The following TRAF2 variants were observed in gnomAD, a reference collection of about 807,000 sequenced individuals.
The protein encoded by TRAF2 is TNF receptor-associated factor 2.
TRAF2 carries 6 observed loss-of-function variants against 55.6 expected under a neutral mutation model. That is an observed-to-expected ratio of 0.11 (90% CI 0.06 to 0.21). TRAF2 has a LOEUF of 0.21. Ranked by LOEUF, TRAF2 falls within the 10% of genes least tolerant of loss-of-function variation. The pLI, the probability that TRAF2 is intolerant of heterozygous loss-of-function variation, is 1.00. For synonymous variants in TRAF2, 329 were observed against 276.3 expected (o/e 1.19, Z -1.89); for missense variants, 561 against 684.5 (o/e 0.82, Z 2.01).
At chr9:136,923,026 C>T (rs1047822410) in intron 9 of TRAF2, among the ~76,000 whole-genome samples, 6 of 152,144 alleles carry the variant, frequency 3.9e-5, no homozygotes, top group African/African-American at 1.4e-4. Flanking sequence ...TGCGTGCAGA[C>T]CTTTGCACAC....
intron 3 of TRAF2, 96 bp from the exon 4 acceptor site, chr9:136,900,326 C>T (rs1381853037): frequency 1.7e-5 from 13 of 750,042 alleles, no homozygotes; most frequent in East Asian, 1.4e-4. Context: ...GGCGATGTGA[C>T]GCAGTATTGG....
chr9:136,910,104 C>A, intron 6 of TRAF2, 110 bp downstream of exon 6: 1 of 1,182,832 alleles, frequency 8.5e-7, no homozygotes, highest in Non-Finnish European at 1.2e-6. Context: ...CCCAAAGGAA[C>A]AGCAGTGCAA....
chr9:136,893,768 G>A (rs1356518614), intron 1 of TRAF2, among the ~76,000 whole-genome samples: 2 of 151,288 alleles, frequency 1.3e-5, no homozygotes, highest in African/African-American at 2.4e-5. Flanking sequence ...TTTTTTTTTC[G>A]AGACGGAGTC....
intron 1 of TRAF2, chr9:136,898,450 G>T: frequency 3.1e-6 from 1 of 318,012 alleles, no homozygotes; most frequent in Non-Finnish European, 4.5e-6. Flanking sequence ...GTGTCTCTTT[G>T]GAGCTGTGGG....
At chr9:136,896,325 G>A (rs1849678986) in intron 1 of TRAF2, among the ~76,000 whole-genome samples, 1 of 152,236 alleles carries the variant, frequency 6.6e-6, no homozygotes, top group African/African-American at 2.4e-5. Flanking sequence ...AGCGCAAGAA[G>A]GCACTGGAGG....
intron 10 of TRAF2, among the ~76,000 whole-genome samples, chr9:136,924,692 A>G (rs1850477368): frequency 6.6e-6 from 1 of 152,174 alleles, no homozygotes; most frequent in Non-Finnish European, 1.5e-5. Context: ...GAGAGAGTGC[A>G]GAGGAAGGAA....
Position 136,920,356 on chromosome 9 carries a change from G to A in TRAF2, c.801G>A (p.Glu267=), listed in dbSNP as rs373833243. 10 of 1,614,026 alleles carry A rather than the reference G, an allele frequency of 6.2e-6. No individual in the cohort carries two copies. The Admixed American group carries it at 6.7e-5, about 11-fold the overall frequency. ...GAGACCAGAGCCACGCGGGGTCAGA[G>A]CTCCTGCAGAGGTGCGAGAGCCTGG... ...LLGDQSHAGS[E]LLQRCESLEK... The change falls in exon 8 of 11, where the codon GAG becomes GAA. Residue 267 remains glutamate (E), a synonymous_variant. Coordinates refer to ENST00000247668, the MANE Select transcript of TRAF2 (RefSeq NM_021138.4).
At chr9:136,906,436 T>TGCA (rs1255495436) in intron 4 of TRAF2, among the ~76,000 whole-genome samples, 4 of 152,160 alleles carry the variant, frequency 2.6e-5, no homozygotes, top group Non-Finnish European at 5.9e-5. Context: ...AGAGAGCATG[T>TGCA]GCAGGGGAAC....
chr9:136,887,227 C>T (rs992475935), intron 1 of TRAF2, among the ~76,000 whole-genome samples: 1 of 152,190 alleles, frequency 6.6e-6, no homozygotes, highest in Non-Finnish European at 1.5e-5. Context: ...GGGGCCTGGT[C>T]CTGGCAGTAG....
intron 10 of TRAF2, among the ~76,000 whole-genome samples, chr9:136,924,904 A>G (rs1417745975): frequency 2.0e-5 from 3 of 151,880 alleles, no homozygotes; most frequent in African/African-American, 4.8e-5. Context: ...ACGCCCAGCT[A>G]ATTTTTGTAT....
chr9:136,897,453 G>GAA (rs2131287209), intron 1 of TRAF2, among the ~76,000 whole-genome samples: 1 of 152,092 alleles, frequency 6.6e-6, no homozygotes, highest in African/African-American at 2.4e-5. Flanking sequence ...TGAAGTGAGG[G>GAA]AAACCCGTGG....
upstream of TRAF2, among the ~76,000 whole-genome samples, chr9:136,885,840 G>C (rs1288643619): frequency 2.0e-5 from 3 of 152,164 alleles, no homozygotes; most frequent in Non-Finnish European, 4.4e-5. Flanking sequence ...CGTCACCACT[G>C]TCCGGTTGCA....
intron 9 of TRAF2, chr9:136,922,526 T>G (rs1169353261): frequency 6.5e-6 from 1 of 153,902 alleles, no homozygotes; most frequent in Non-Finnish European, 1.4e-5. Context: ...AACATCTGCT[T>G]TAAGCAATGC....
At chr9:136,895,054 G>A (rs1252899890) in intron 1 of TRAF2, among the ~76,000 whole-genome samples, 1 of 152,178 alleles carries the variant, frequency 6.6e-6, no homozygotes, top group Non-Finnish European at 1.5e-5. Flanking sequence ...GGTCCTGAGA[G>A]CTGGGAAGAC....
At chr9:136,911,553 C>G (rs1325954231) in intron 6 of TRAF2, among the ~76,000 whole-genome samples, 1 of 152,168 alleles carries the variant, frequency 6.6e-6, no homozygotes, top group Non-Finnish European at 1.5e-5. Flanking sequence ...GCGTGAGCCA[C>G]TGCCCCAGCC....
At chr9:136,887,582 G>C (rs1195452442) in intron 1 of TRAF2, among the ~76,000 whole-genome samples, 1 of 152,146 alleles carries the variant, frequency 6.6e-6, no homozygotes, top group African/African-American at 2.4e-5. Context: ...GTCAAGTCAA[G>C]GGAAACTAGG....
At chr9:136,898,303 C>T (rs2131289470) in intron 1 of TRAF2, among the ~76,000 whole-genome samples, 1 of 152,338 alleles carries the variant, frequency 6.6e-6, no homozygotes, top group South Asian at 2.1e-4. Context: ...CACTCTAAAA[C>T]ATGCTTATTG....
chr9:136,884,663 C>T (rs2131265106), upstream of TRAF2, among the ~76,000 whole-genome samples: 1 of 152,356 alleles, frequency 6.6e-6, no homozygotes, highest in Non-Finnish European at 1.5e-5. Flanking sequence ...CTTCAGTCAT[C>T]TTCCTGCCTC....
intron 5 of TRAF2, among the ~76,000 whole-genome samples, chr9:136,908,726 T>C (rs1055321287): frequency 2.6e-5 from 4 of 151,960 alleles, no homozygotes; most frequent in Non-Finnish European, 4.4e-5. Flanking sequence ...CAAAATTAGC[T>C]GGGCATGGTG....
Sources: gnomAD v4.1 joint callset for allele counts (sites outside exome capture counted in the v4.1 genomes callset) on GRCh38, gnomAD v4.1.1 for gene constraint, MANE v1.5 for transcripts, NCBI Gene and HGNC (gene_info 2026-07-23, HGNC 2026-07-21) for gene names.